GABRG3: variants seen among roughly 807,000 people sequenced by gnomAD.
The protein encoded by GABRG3 is gamma-aminobutyric acid receptor subunit gamma-3.
GABRG3 carries 25 observed loss-of-function variants against 48.8 expected under a neutral mutation model. The observed-to-expected ratio is 0.51, with a 90% confidence interval of 0.37 to 0.72. The LOEUF is 0.72. Among genes scored for constraint, GABRG3 ranks in the 30% least tolerant of loss-of-function variants. The probability of loss-of-function intolerance (pLI) is 0.00; values close to 1 mark genes in which losing one functional copy is unlikely to be tolerated. For missense variants in GABRG3, 394 were observed against 577.9 expected, an observed-to-expected ratio of 0.68 and a Z score of 3.26; for synonymous variants, 227 against 217.6, an observed-to-expected ratio of 1.04 and a Z score of -0.38.
At chr15:27,246,813 A>G (rs1040792580) in intron 3 of GABRG3, among the ~76,000 whole-genome samples, 6 of 152,218 alleles carry the variant, frequency 3.9e-5, no homozygotes, top group African/African-American at 1.2e-4. Flanking sequence ...GTTTGTATAA[A>G]TATTGAAAGG....
chr15:27,180,649 G>A lies in GABRG3; in HGVS notation c.271-146160G>A, dbSNP rs1484223736. On this transcript the variant is annotated intron_variant, in intron 3 of 9. Coordinates refer to ENST00000615808, the MANE Select transcript of GABRG3 (RefSeq NM_033223.5). This position sits in a 1 kb window ranked among gnomAD's most constrained non-coding sequence, Gnocchi z 4.2. ...CATTGTGCCATGTGTGTGTCTGTCT[G>A]TGTGTGTTTGTGTGTGCACGCGCGC... Among the ~76,000 whole-genome samples the A allele has an allele frequency of 6.6e-6, 1 of 152,128 alleles. No homozygotes were observed. The highest frequency in any genetic ancestry group is 1.5e-5 in the Non-Finnish European group (1 of 68,018).
At chr15:26,973,162 C>G (rs981144065) in intron 1 of GABRG3, among the ~76,000 whole-genome samples, 2 of 152,194 alleles carry the variant, frequency 1.3e-5, no homozygotes, top group Admixed American at 6.5e-5. Flanking sequence ...GGATTCTTAA[C>G]ATTCTAGAAG....
chr15:27,159,157 A>C (rs750440358), intron 3 of GABRG3, among the ~76,000 whole-genome samples: 58 of 152,150 alleles, frequency 3.8e-4, no homozygotes, highest in Non-Finnish European at 6.8e-4. Context: ...TTTTATGGTT[A>C]AAAGAATAAG....
intron 5 of GABRG3, among the ~76,000 whole-genome samples, chr15:27,370,081 A>G (rs945550554): frequency 4.6e-5 from 7 of 152,236 alleles, no homozygotes; most frequent in African/African-American, 1.7e-4. Flanking sequence ...ATTCTTTAAA[A>G]TATGCCTTTA....
At chr15:27,322,494 A>G (rs903553213) in intron 3 of GABRG3, among the ~76,000 whole-genome samples, 1 of 152,314 alleles carries the variant, frequency 6.6e-6, no homozygotes, top group Admixed American at 6.5e-5. Flanking sequence ...CCATCCCATC[A>G]TGTTCTTCTT....
At chr15:27,391,531 T>TC (rs1340152825) in intron 5 of GABRG3, among the ~76,000 whole-genome samples, 1 of 152,188 alleles carries the variant, frequency 6.6e-6, no homozygotes, top group African/African-American at 2.4e-5. Flanking sequence ...TCTAACACCT[T>TC]CCCTGTATTC....
intron 5 of GABRG3, among the ~76,000 whole-genome samples, chr15:27,331,744 A>G (rs914407704): frequency 2.0e-5 from 3 of 152,198 alleles, no homozygotes; most frequent in Non-Finnish European, 4.4e-5. Context: ...AGGTTCATTG[A>G]TGGTAACAAA....
chr15:27,320,391 G>A (rs72703805), intron 3 of GABRG3, among the ~76,000 whole-genome samples: 8,822 of 152,096 alleles, frequency 0.058, 377 homozygotes, highest in African/African-American at 0.12. Context: ...TCTGTCAAGG[G>A]TCTAGGGCTC....
chr15:27,322,491 A>G (rs1452905455), intron 3 of GABRG3, among the ~76,000 whole-genome samples: 1 of 152,206 alleles, frequency 6.6e-6, no homozygotes, highest in African/African-American at 2.4e-5. Context: ...AAACCATCCC[A>G]TCATGTTCTT....
At chr15:27,303,422 T>C (rs957472403) in intron 3 of GABRG3, among the ~76,000 whole-genome samples, 21 of 151,898 alleles carry the variant, frequency 1.4e-4, no homozygotes, top group African/African-American at 4.8e-4. Context: ...ATAAGAATGG[T>C]CTTATGACCA....
chr15:27,171,013 A>C (rs1247009622), intron 3 of GABRG3, among the ~76,000 whole-genome samples: 1 of 152,156 alleles, frequency 6.6e-6, no homozygotes, highest in East Asian at 1.9e-4. Flanking sequence ...GACTCAGACG[A>C]TTCATCAGGT....
chr15:27,437,170 T>C (rs545319880), intron 5 of GABRG3, among the ~76,000 whole-genome samples: 1 of 151,778 alleles, frequency 6.6e-6, no homozygotes, highest in East Asian at 2.0e-4. Flanking sequence ...CCTGTTAAAA[T>C]TGTAGCTGCT....
At chr15:27,075,127 G>C (rs1246208371) in intron 3 of GABRG3, among the ~76,000 whole-genome samples, 1 of 152,118 alleles carries the variant, frequency 6.6e-6, no homozygotes, top group Admixed American at 6.5e-5. Context: ...AGATATTGGT[G>C]ATTTTTTTCT....
chr15:27,240,336 G>A lies in GABRG3; in HGVS notation c.271-86473G>A, dbSNP rs955320985. ...CCCTGGAGGTGGGAGCTAGTCCACA[G>A]TGCTGGAGGCTAAGAAGACCAGTTA... On this transcript the variant is annotated intron_variant, in intron 3 of 9. Transcript: ENST00000615808. Among the ~76,000 whole-genome samples the A allele has an allele frequency of 2.0e-5, 3 of 152,196 alleles. No homozygotes were observed. In the South Asian group the frequency reaches 6.2e-4, roughly 32 times the overall value.
intron 5 of GABRG3, among the ~76,000 whole-genome samples, chr15:27,373,072 A>C (rs1207403756): frequency 6.9e-6 from 1 of 145,576 alleles, no homozygotes; most frequent in Non-Finnish European, 1.5e-5. Flanking sequence ...ATGCCACTAA[A>C]ATGCAGTGAG....
At chr15:27,087,225 G>T (rs1392730438) in intron 3 of GABRG3, among the ~76,000 whole-genome samples, 1 of 152,134 alleles carries the variant, frequency 6.6e-6, no homozygotes, top group Non-Finnish European at 1.5e-5. Context: ...GAGGTGCAGC[G>T]GGCATGTCTA....
At chr15:27,361,019 T>C (rs1405787728) in intron 5 of GABRG3, among the ~76,000 whole-genome samples, 2 of 152,198 alleles carry the variant, frequency 1.3e-5, no homozygotes, top group African/African-American at 4.8e-5. Context: ...GGTAAAGGAC[T>C]GAGGGGCCCG....
chr15:27,459,738 G>A (rs1002235405), intron 5 of GABRG3, among the ~76,000 whole-genome samples: 3 of 152,076 alleles, frequency 2.0e-5, no homozygotes, highest in Admixed American at 1.3e-4. Flanking sequence ...GCAATTTCAT[G>A]GTTGCGCATG....
Position 27,297,735 on chromosome 15 carries a change from C to T in GABRG3, c.271-29074C>T, listed in dbSNP as rs191344527. 1.3e-3 allele frequency among the ~76,000 whole-genome samples: 203 copies of T among 152,154 alleles called. 1 individual carries two copies. In the South Asian group the frequency reaches 0.021, roughly 15 times the overall value. On this transcript the variant is annotated intron_variant, in intron 3 of 9. Transcript: ENST00000615808. The stretch of plus-strand genomic sequence containing the variant: ...GACTATATAGTTGCTTTCCTTTCTT[C>T]TTTCAGAGATTTAAAAACATAGATT...
Sources: gnomAD v4.1 joint callset for allele counts (sites outside exome capture counted in the v4.1 genomes callset) on GRCh38, gnomAD v4.1.1 for gene constraint, Gnocchi (gnomAD v3.1) non-coding constraint, MANE v1.5 for transcripts, NCBI Gene and HGNC (gene_info 2026-07-23, HGNC 2026-07-21) for gene names.